Variants in ROS1 observed in about 807,000 individuals in gnomAD.
ROS1 encodes the protein ROS proto-oncogene 1, receptor tyrosine kinase, also known as proto-oncogene tyrosine-protein kinase ROS.
ROS1 carries 263 observed loss-of-function variants against 273.5 expected under a neutral mutation model. The ratio of observed to expected loss-of-function variants is 0.96; its 90% CI spans 0.87 to 1.06. The LOEUF (loss-of-function observed/expected upper bound fraction) is 1.06. Ranked by LOEUF, ROS1 falls within the 50% of genes least tolerant of loss-of-function variation. ROS1 has a pLI of 0.00. For synonymous variants in ROS1, 1,008 were observed against 954.1 expected, an observed-to-expected ratio of 1.06 and a Z score of -1.04; for missense variants, 2,833 against 2,751.1, an observed-to-expected ratio of 1.03 and a Z score of -0.67.
intron 1 of ROS1, among the ~76,000 whole-genome samples, chr6:117,423,293 C>G (rs1033802894): frequency 7.2e-5 from 11 of 152,038 alleles, no homozygotes; most frequent in African/African-American, 2.7e-4. Context: ...ACCTGTTCCC[C>G]CAATAACTTA....
intron 39 of ROS1, among the ~76,000 whole-genome samples, chr6:117,311,399 G>A (rs1252086425): frequency 6.6e-6 from 1 of 152,106 alleles, no homozygotes; most frequent in Non-Finnish European, 1.5e-5. Context: ...CAGACAGATC[G>A]AGATGTGAAA....
chr6:117,310,038 T>C, intron 41 of ROS1, 43 bp downstream of exon 41: 12 of 1,516,750 alleles, frequency 7.9e-6, no homozygotes, highest in South Asian at 1.1e-5. Context: ...CCTCTAATGT[T>C]TGATGATTCT....
chr6:117,308,023 C>T (rs1451972300), intron 42 of ROS1, among the ~76,000 whole-genome samples: 1 of 152,118 alleles, frequency 6.6e-6, no homozygotes, highest in African/African-American at 2.4e-5. Context: ...TCCATACAAT[C>T]CTTGGCATGC....
At position 117,342,519 on chromosome 6, in the gene ROS1, A is replaced by G. The variant is rs770437430; in HGVS notation, c.4532T>C (p.Ile1511Thr). The change falls in exon 29 of 44, where the codon ATT (isoleucine) becomes ACT (threonine). Residue 1511 changes from isoleucine to threonine, a missense_variant. Coordinates refer to ENST00000368507, the MANE Select transcript of ROS1 (RefSeq NM_001378902.1). ...TGTTGAAAATGGTTGTAAATCTTCA[A>G]TAAGAGCTATACTGTCCTGAAATTC... is the stretch of plus-strand genomic sequence containing the variant. ...ILEFQDSIAL[I>T]EDLQPFSTYM... is the part of the protein sequence containing the mutation. 3 of 1,591,952 alleles carry G rather than the reference A, an allele frequency of 1.9e-6. No homozygotes were observed. Among genetic ancestry groups the G allele is most frequent in the South Asian group, 1.1e-5 (1 of 90,060 alleles).
At chr6:117,367,475 A>T (rs1342332217) in intron 18 of ROS1, among the ~76,000 whole-genome samples, 2 of 152,194 alleles carry the variant, frequency 1.3e-5, no homozygotes, top group African/African-American at 2.4e-5. Context: ...CTTCTAGTCT[A>T]TCCAACAACC....
chr6:117,327,430 A>T (rs1776720369), intron 33 of ROS1, among the ~76,000 whole-genome samples: 1 of 152,194 alleles, frequency 6.6e-6, no homozygotes, highest in Non-Finnish European at 1.5e-5. Flanking sequence ...ATCCAAAAGA[A>T]AGAGGCCCTT....
At position 117,389,773 on chromosome 6, in the gene ROS1, C is replaced by A. The variant is rs759459909; in HGVS notation, c.1363G>T (p.Ala455Ser). 30 of 1,614,168 alleles carry A rather than the reference C, an allele frequency of 1.9e-5. No individual in the cohort carries two copies. In the South Asian group the frequency reaches 2.3e-4, roughly 12 times the overall value. ...LPVPSGRCAE[A>S]VRIVESCTLK... ...GTGCAACTCTCCACAATACGCACAG[C>A]TTCTGCACACCGGCCAGATGGTACA... Residue 455 changes from alanine to serine, a missense_variant, in exon 13 of 44, where the codon GCT (alanine) becomes TCT (serine). Physicochemically the swap from Ala to Ser is moderately conservative, Grantham distance 99. Transcript: ENST00000368507.
intron 40 of ROS1, 78 bp downstream of exon 40, chr6:117,310,942 C>A: frequency 1.2e-6 from 1 of 814,076 alleles, no homozygotes; most frequent in South Asian, 1.7e-5. Context: ...GTTTAATTAT[C>A]TTGTGTGCTT....
intron 6 of ROS1, 73 bp from the exon 7 acceptor site, chr6:117,403,350 A>T (rs1208114400): frequency 4.9e-6 from 7 of 1,429,354 alleles, no homozygotes; most frequent in African/African-American, 1.5e-5. Context: ...AGCATAGATT[A>T]ATTTGTAGAA....
rs571486063 is a variant in ROS1 at position 117,405,606 on chromosome 6, C to G, written c.317-1178G>C. On this transcript the variant is annotated intron_variant, in intron 5 of 43. Coordinates refer to ENST00000368507, the MANE Select transcript of ROS1 (RefSeq NM_001378902.1). ...GCAGATGTGATCAGTTATATAAGTA[C>G]AAGTAAATGTAAATATCATAGCTAA... Among the ~76,000 whole-genome samples the G allele has an allele frequency of 4.6e-5, 7 of 150,714 alleles. No homozygotes were observed. The South Asian group carries it at 1.5e-3, about 32-fold the overall frequency.
Position 117,389,521 on chromosome 6 carries a change from C to G in ROS1, c.1615G>C (p.Val539Leu), listed in dbSNP as rs878999513. 6.2e-7 allele frequency: 1 copy of G among 1,614,160 alleles called. No individual in the cohort carries two copies. The highest frequency in any genetic ancestry group is 1.1e-5 in the South Asian group (1 of 91,086). Reference protein sequence around the residue: ...QDALSFNEFIVGCDLSHIEEF... With the variant: ...QDALSFNEFILGCDLSHIEEF... The stretch of plus-strand genomic sequence containing the variant: ...TCTATGTGACTCAGGTCACATCCCA[C>G]GATGAATTCATTAAAAGACAAAGCA... The change falls in exon 13 of 44, where the codon GTG becomes CTG. Residue 539 changes from valine (V) to leucine (L), a missense_variant. Physicochemically the swap from Val to Leu is conservative, Grantham distance 32. Transcript: ENST00000368507.
intron 43 of ROS1, among the ~76,000 whole-genome samples, chr6:117,292,200 G>A (rs931988235): frequency 6.6e-5 from 10 of 152,018 alleles, no homozygotes; most frequent in Non-Finnish European, 1.5e-4. Flanking sequence ...TCGATCTTCT[G>A]ACCTTGTGAT....
intron 38 of ROS1, 103 bp downstream of exon 38, chr6:117,318,085 T>C: frequency 1.2e-6 from 1 of 814,610 alleles, no homozygotes. Context: ...ACCATGTTGT[T>C]TTAGTCATGA....
chr6:117,394,767 G>C, intron 9 of ROS1, 29 bp from the exon 10 acceptor site: 1 of 1,590,724 alleles, frequency 6.3e-7, no homozygotes, highest in Non-Finnish European at 8.6e-7. Flanking sequence ...TTTGCAGACA[G>C]GTAGACCAAC....
chr6:117,299,151 GT>G (rs1774484368), intron 43 of ROS1, among the ~76,000 whole-genome samples: 1 of 152,220 alleles, frequency 6.6e-6, no homozygotes, highest in Non-Finnish European at 1.5e-5. Flanking sequence ...TCTAATGAGG[GT>G]TATGACGCAT....
rs775658823 is a variant in ROS1, at chr6:117,310,293, G to A, written c.6216-12C>T. On this transcript the variant is annotated splice_polypyrimidine_tract_variant and intron_variant, in intron 40 of 43. Coordinates refer to ENST00000368507, the MANE Select transcript of ROS1 (RefSeq NM_001378902.1). ...TAGCTGCCAGATCCCTGTGGCAGAA[G>A]TTATATTTAATAATAATAATAATAA... 2 of 1,550,244 alleles carry A rather than the reference G, an allele frequency of 1.3e-6. No individual in the cohort carries two copies. Among genetic ancestry groups the A allele is most frequent in the Admixed American group, 1.9e-5 (1 of 54,006 alleles).
At chr6:117,377,597 G>T (rs1273863015) in intron 18 of ROS1, among the ~76,000 whole-genome samples, 5 of 151,744 alleles carry the variant, frequency 3.3e-5, no homozygotes, top group African/African-American at 1.2e-4. Context: ...AAGCTAAAAC[G>T]ATAAAGCTTC....
Position 117,379,049 on chromosome 6 carries a change from C to A in ROS1, c.2582+10G>T. 6.5e-7 allele frequency: 1 copy of A among 1,549,448 alleles called. No individual in the cohort carries two copies. Among genetic ancestry groups the A allele is most frequent in the Non-Finnish European group, 8.8e-7 (1 of 1,132,560 alleles). Reference sequence around the variant, plus strand: ...TTCTCAATCAATTGCCTTTGAGGGACTCTACTTACCTCTGTCCCCGAAGAA... The same window carrying A: ...TTCTCAATCAATTGCCTTTGAGGGAATCTACTTACCTCTGTCCCCGAAGAA... On this transcript the variant is annotated intron_variant, in intron 18 of 43. Coordinates refer to ENST00000368507, the MANE Select transcript of ROS1 (RefSeq NM_001378902.1).
intron 21 of ROS1, 128 bp downstream of exon 21, chr6:117,364,932 G>A (rs1780082780): frequency 6.2e-6 from 5 of 804,452 alleles, no homozygotes; most frequent in Non-Finnish European, 5.9e-6. Flanking sequence ...AAAAGTCATT[G>A]AAAGGGTATT....
Sources: allele counts gnomAD v4.1 joint callset (sites outside exome capture counted in the v4.1 genomes callset), GRCh38; gene constraint gnomAD v4.1.1; transcripts MANE v1.5; gene names NCBI Gene and HGNC (gene_info 2026-07-23, HGNC 2026-07-21).